The following COX11 variants were observed in gnomAD, a reference collection of about 807,000 sequenced individuals.
COX11 encodes the protein cytochrome c oxidase assembly protein COX11, mitochondrial.
In COX11, 18 loss-of-function variants were observed where a neutral mutation model predicts 29.4. That is an observed-to-expected ratio of 0.61 (90% CI 0.42 to 0.91). The LOEUF is 0.91. Among genes scored for constraint, COX11 ranks in the 40% least tolerant of loss-of-function variants. The probability of loss-of-function intolerance (pLI) is 0.00; values close to 1 mark genes in which losing one functional copy is unlikely to be tolerated. For synonymous variants in COX11, 131 were observed against 124.0 expected (o/e 1.06, Z -0.38); for missense variants, 312 against 346.0 (o/e 0.90, Z 0.78).
At position 54,962,671 on chromosome 17, in the gene COX11, G is replaced by A; in HGVS notation, c.*62C>T. ...TTATTGTACAATATTTCTCCTTTGAGAAGATAGGATATATGATTTTCCCAA... is the reference window on the plus strand; with the variant it reads ...TTATTGTACAATATTTCTCCTTTGAAAAGATAGGATATATGATTTTCCCAA... On this transcript the variant is annotated 3_prime_UTR_variant, in exon 4 of 4. Coordinates refer to ENST00000299335, the MANE Select transcript of COX11 (RefSeq NM_004375.5). 6.4e-7 allele frequency: 1 copy of A among 1,551,046 alleles called. No homozygotes were observed. Among genetic ancestry groups the A allele is most frequent in the Non-Finnish European group, 8.7e-7 (1 of 1,150,190 alleles).
Position 54,960,996 on chromosome 17 carries a change from C to G in COX11, c.*1737G>C. On this transcript the variant is annotated 3_prime_UTR_variant, in exon 4 of 4. Transcript: ENST00000299335. The stretch of plus-strand genomic sequence containing the variant: ...TTTACCGTTAGTCCTCCAAATAGGT[C>G]TGAATTTTTCCTATTTTCAGCACTA... The G allele has an allele frequency of 3.6e-6, 2 of 558,358 alleles. No individual in the cohort carries two copies. The highest frequency in any genetic ancestry group is 3.0e-5 in the East Asian group (1 of 33,158). The allele number at this position is 558,358 out of a possible 1,614,324, so 34.6% of individuals were successfully genotyped here.
rs774835975 is a variant in COX11 at position 54,968,332 on chromosome 17, G to A, written c.315C>T (p.Gly105=). Residue 105 remains glycine, a synonymous_variant, in exon 1 of 4, where the codon GGC becomes GGT. Transcript: ENST00000299335. ...CGGCAGCGTAGGACGCCCCCAGCAT[G>A]CCCACGGCGACAGCGGCCACGTAAG... The part of the protein sequence containing the change: ...TLTYVAAVAV[G]MLGASYAAVP... The A allele has an allele frequency of 1.6e-5, 26 of 1,612,954 alleles. No homozygotes were observed. Among genetic ancestry groups the A allele is most frequent in the Non-Finnish European group, 2.2e-5 (26 of 1,179,932 alleles).
In COX11 at chr17:54,962,283, G is replaced by A; in HGVS notation, c.*450C>T. 2 of 985,580 alleles carry A rather than the reference G, an allele frequency of 2.0e-6. No homozygotes were observed. Among genetic ancestry groups the A allele is most frequent in the Non-Finnish European group, 2.4e-6 (2 of 830,076 alleles). The allele number at this position is 985,580 out of a possible 1,614,324, so 61.1% of individuals were successfully genotyped here. On this transcript the variant is annotated 3_prime_UTR_variant, in exon 4 of 4. Coordinates refer to ENST00000299335, the MANE Select transcript of COX11 (RefSeq NM_004375.5). ...AAAATACTGACTATTCATAATGAAGGAAAATAGCAACCAACTCTTTTAGAC... is the reference window on the plus strand; with the variant it reads ...AAAATACTGACTATTCATAATGAAGAAAAATAGCAACCAACTCTTTTAGAC...
rs917156447 is a variant in COX11 at position 54,968,602 on chromosome 17, A to C, written c.45T>G (p.Cys15Trp). ...WRPGWRCVPF[C>W]GWRWIHPGSP... ...ACCCAGGGTGGATCCAGCGCCAGCC[A>C]CAGAAAGGAACGCACCTCCATCCAG... The change falls in exon 1 of 4, where the codon TGT becomes TGG. Residue 15 changes from cysteine (C) to tryptophan (W), a missense_variant. Transcript: ENST00000299335. The C allele has an allele frequency of 6.2e-7, 1 of 1,612,804 alleles. No homozygotes were observed. The highest frequency in any genetic ancestry group is 2.2e-5 in the East Asian group (1 of 44,850).
chr17:54,960,375 A>G (rs2077088263), downstream of COX11, among the ~76,000 whole-genome samples: 1 of 152,196 alleles, frequency 6.6e-6, no homozygotes, highest in Non-Finnish European at 1.5e-5. Context: ...AAAAAAAAAG[A>G]AAAAATGAAG....
chr17:54,966,899 G>A (rs1360086613), intron 1 of COX11, among the ~76,000 whole-genome samples: 1 of 152,164 alleles, frequency 6.6e-6, no homozygotes, highest in Non-Finnish European at 1.5e-5. Flanking sequence ...GATTTCCACG[G>A]GCATGGTGGC....
chr17:54,961,163 AAG>A lies in COX11; in HGVS notation c.*1568_*1569del. 1 of 1,064,620 alleles carries A rather than the reference AAG, an allele frequency of 9.4e-7. No individual in the cohort carries two copies. The highest frequency in any genetic ancestry group is 2.0e-5 in the Admixed American group (1 of 48,856). The allele number at this position is 1,064,620 out of a possible 1,614,324, so 65.9% of individuals were successfully genotyped here. A position where few individuals can be genotyped will look rare whatever the true frequency, so the allele number is the denominator to read the frequency against. ...GACTCTCCAGCTTCCCAGTAAAGAC[AAG>A]AGAGTTATCAAGGAATGGGGAAAGA... is the stretch of plus-strand genomic sequence containing the variant. On this transcript the variant is annotated 3_prime_UTR_variant, in exon 4 of 4. Transcript: ENST00000299335.
In COX11 at chr17:54,963,276, A is replaced by T. The variant is rs757649100; in HGVS notation, c.648+30T>A. 3.5e-5 allele frequency: 56 copies of T among 1,595,752 alleles called. 2 individuals are homozygous for T. The South Asian group carries it at 6.3e-4, about 18-fold the overall frequency. On this transcript the variant is annotated intron_variant, in intron 3 of 3. Coordinates refer to ENST00000299335, the MANE Select transcript of COX11 (RefSeq NM_004375.5). The stretch of plus-strand genomic sequence containing the variant: ...CTAAACCGTTTCATGTATCTTTATC[A>T]TATTCTGTAAAGTTTACACTTTGAT...
At chr17:54,955,156 T>G (rs1332345631), upstream of COX11, 4 of 152,210 alleles carry the variant, frequency 2.6e-5, no homozygotes, top group African/African-American at 9.7e-5. Flanking sequence ...TGAATACTTC[T>G]GGTCCTCTTT....
Position 54,961,360 on chromosome 17 carries a change from C to A in COX11, c.*1373G>T. 1 of 1,551,190 alleles carries A rather than the reference C, an allele frequency of 6.4e-7. No individual in the cohort carries two copies. Among genetic ancestry groups the A allele is most frequent in the Non-Finnish European group, 8.7e-7 (1 of 1,146,758 alleles). On this transcript the variant is annotated 3_prime_UTR_variant, in exon 4 of 4. Transcript: ENST00000299335. ...ATGTCAAAGCCATGGTGGCACATTT[C>A]TGCTATAATGAAGATTAAATAGAAT...
At position 54,968,456 on chromosome 17, in the gene COX11, C is replaced by T. The variant is rs1192860078; in HGVS notation, c.191G>A (p.Arg64Gln). 1.2e-6 allele frequency: 2 copies of T among 1,613,328 alleles called. No homozygotes were observed. Among genetic ancestry groups the T allele is most frequent in the East Asian group, 2.2e-5 (1 of 44,838 alleles). ...CCGCGGCGGCTGCAATGCTGGATGC[C>T]GGGCTCGAAGGCTGCAGCGCTTCCA... ...GTWKRCSLRA[R>Q]HPALQPPRRP... The change falls in exon 1 of 4, where the codon CGG becomes CAG. Residue 64 changes from arginine to glutamine, a missense_variant. Physicochemically the swap from Arg to Gln is conservative, Grantham distance 43. This residue lies in a region of COX11 where 130 missense variants were observed against 106.0 expected (regional missense o/e 1.23). Transcript: ENST00000299335.
chr17:54,963,655 G>A (rs1232366588), intron 2 of COX11, among the ~76,000 whole-genome samples: 2 of 152,026 alleles, frequency 1.3e-5, no homozygotes, highest in Non-Finnish European at 1.5e-5. Context: ...TCCATAATTA[G>A]TTATGAACTG....
downstream of COX11, chr17:54,959,210 C>T (rs949339163): frequency 3.9e-5 from 6 of 152,094 alleles, no homozygotes; most frequent in African/African-American, 1.2e-4. Context: ...GGTTTCATAG[C>T]GCTGTGATTT....
rs142270034 is a variant in COX11 at position 54,964,712 on chromosome 17, C to T, written c.507G>A (p.Gln169=). Reference sequence around the variant, plus strand: ...AGTCACTTACATATATTTCTGTTTGCTGAGGTCTAAAGTTCCACTGGAGAC... The same window carrying T: ...AGTCACTTACATATATTTCTGTTTGTTGAGGTCTAAAGTTCCACTGGAGAC... ...HASLQWNFRP[Q]QTEIYVVPGE... Residue 169 remains glutamine (Q), a synonymous_variant, in exon 2 of 4, where the codon CAG becomes CAA. Coordinates refer to ENST00000299335, the MANE Select transcript of COX11 (RefSeq NM_004375.5). 1.9e-6 allele frequency: 3 copies of T among 1,613,658 alleles called. No individual in the cohort carries two copies. The highest frequency in any genetic ancestry group is 4.5e-5 in the East Asian group (2 of 44,854).
chr17:54,966,210 G>T (rs1395640519), intron 1 of COX11, among the ~76,000 whole-genome samples: 1 of 152,174 alleles, frequency 6.6e-6, no homozygotes, highest in Admixed American at 6.5e-5. Context: ...CCTCAATAAA[G>T]ATTCCAATAT....
At chr17:54,958,278 T>C (rs1331104603), downstream of COX11, 1 of 152,258 alleles carries the variant, frequency 6.6e-6, no homozygotes, top group Non-Finnish European at 1.5e-5. Context: ...GAAAACTAGA[T>C]AATGGATTGG....
chr17:54,963,456 T>C lies in COX11; in HGVS notation c.523-25A>G, dbSNP rs900412257. ...CCTGTTTTAAAGAATATATATATTA[T>C]CAATACTTTGAATCTCACAAAGTTC... On this transcript the variant is annotated intron_variant, in intron 2 of 3. Coordinates refer to ENST00000299335, the MANE Select transcript of COX11 (RefSeq NM_004375.5). 19 of 1,582,670 alleles carry C rather than the reference T, an allele frequency of 1.2e-5. No individual in the cohort carries two copies. The African/African-American group carries it at 2.2e-4, about 18-fold the overall frequency.
rs2077113940 is a variant in COX11, at chr17:54,961,169, G to A, written c.*1564C>T. 7 of 1,106,192 alleles carry A rather than the reference G, an allele frequency of 6.3e-6. No homozygotes were observed. In the South Asian group the frequency reaches 9.4e-5, roughly 15 times the overall value. 68.5% of individuals were successfully genotyped at this position (1,106,192 alleles called of 1,614,324 possible). A position where few individuals can be genotyped will look rare whatever the true frequency, so the allele number is the denominator to read the frequency against. On this transcript the variant is annotated 3_prime_UTR_variant, in exon 4 of 4. Coordinates refer to ENST00000299335, the MANE Select transcript of COX11 (RefSeq NM_004375.5). The stretch of plus-strand genomic sequence containing the variant: ...CCAGCTTCCCAGTAAAGACAAGAGA[G>A]TTATCAAGGAATGGGGAAAGAGAAG...
In COX11 at chr17:54,968,608, A is replaced by G; in HGVS notation, c.39T>C (p.Pro13=). 1 of 1,612,920 alleles carries G rather than the reference A, an allele frequency of 6.2e-7. No individual in the cohort carries two copies. Among genetic ancestry groups the G allele is most frequent in the Non-Finnish European group, 8.5e-7 (1 of 1,179,996 alleles). ...GGTGGATCCAGCGCCAGCCACAGAA[A>G]GGAACGCACCTCCATCCAGGACGCC... ...GLWRPGWRCV[P]FCGWRWIHPG... Residue 13 remains proline (P), a synonymous_variant, in exon 1 of 4, where the codon CCT becomes CCC. Transcript: ENST00000299335.
Sources: gnomAD v4.1 joint callset for allele counts (sites outside exome capture counted in the v4.1 genomes callset) on GRCh38, gnomAD v4.1.1 for gene constraint, gnomAD v4.1.1 regional missense constraint, MANE v1.5 for transcripts, NCBI Gene and HGNC (gene_info 2026-07-23, HGNC 2026-07-21) for gene names.